DTNB: variants seen among roughly 807,000 people sequenced by gnomAD.
DTNB encodes the protein DTN-B.
A neutral mutation model predicts 90.7 loss-of-function variants in DTNB; 63 were observed. The observed-to-expected ratio is 0.69, with a 90% CI of 0.57 to 0.86. The LOEUF is 0.86. Ranked by LOEUF, DTNB falls within the 40% of genes least tolerant of loss-of-function variation. The pLI, the probability that DTNB is intolerant of heterozygous loss-of-function variation, is 0.00. For synonymous variants in DTNB, 277 were observed against 286.7 expected (o/e 0.97, Z 0.34); for missense variants, 744 against 807.1 (o/e 0.92, Z 0.95).
At chr2:25,578,969 T>C (rs2148173363) in intron 7 of DTNB, among the ~76,000 whole-genome samples, 1 of 152,282 alleles carries the variant, frequency 6.6e-6, no homozygotes, top group African/African-American at 2.4e-5. Context: ...ATATTTTATT[T>C]CTAGATATTT....
intron 10 of DTNB, among the ~76,000 whole-genome samples, chr2:25,478,922 C>T (rs941296545): frequency 1.3e-5 from 2 of 152,078 alleles, no homozygotes; most frequent in Non-Finnish European, 2.9e-5. Flanking sequence ...TGGCGGGGAG[C>T]GAAGATGGCA....
intron 12 of DTNB, among the ~76,000 whole-genome samples, chr2:25,445,625 T>A (rs1422677642): frequency 6.6e-6 from 1 of 152,344 alleles, no homozygotes; most frequent in Non-Finnish European, 1.5e-5. Flanking sequence ...AGCATTGTTC[T>A]CTGCATTCTA....
chr2:25,510,513 CTT>C (rs913768253), intron 9 of DTNB, among the ~76,000 whole-genome samples: 2 of 143,886 alleles, frequency 1.4e-5, no homozygotes, highest in African/African-American at 2.5e-5. Context: ...CTTTCTTCTT[CTT>C]TTTTTTTTTT....
At chr2:25,644,400 T>C (rs1438364295) in intron 2 of DTNB, among the ~76,000 whole-genome samples, 1 of 152,202 alleles carries the variant, frequency 6.6e-6, no homozygotes, top group African/African-American at 2.4e-5. Flanking sequence ...GATATAGAGC[T>C]AGAAGATGTA....
At chr2:25,407,780 T>G (rs142098058) in intron 16 of DTNB, among the ~76,000 whole-genome samples, 1 of 151,508 alleles carries the variant, frequency 6.6e-6, no homozygotes, top group Non-Finnish European at 1.5e-5. Context: ...AAGGGAGAGG[T>G]TGGGAGGGGC....
intron 9 of DTNB, among the ~76,000 whole-genome samples, chr2:25,499,950 C>T (rs1471094317): frequency 5.3e-5 from 8 of 152,096 alleles, no homozygotes; most frequent in Non-Finnish European, 1.2e-4. Context: ...GGCTGGAGTA[C>T]GCTGGCATGA....
chr2:25,636,535 G>C (rs562940962), intron 3 of DTNB, among the ~76,000 whole-genome samples: 4 of 152,004 alleles, frequency 2.6e-5, no homozygotes, highest in African/African-American at 9.7e-5. Flanking sequence ...AGTGGTTTTC[G>C]AACTTTTTGA....
chr2:25,471,944 T>A (rs1040602318), intron 10 of DTNB, among the ~76,000 whole-genome samples: 2 of 152,240 alleles, frequency 1.3e-5, no homozygotes, highest in Admixed American at 1.3e-4. Context: ...ACACATAATA[T>A]GTATAAAATA....
intron 3 of DTNB, among the ~76,000 whole-genome samples, chr2:25,632,068 A>G (rs35456752): frequency 0.45 from 68,004 of 151,288 alleles, 16,442 homozygotes; most frequent in East Asian, 0.77. Flanking sequence ...GGTGGCTCAT[A>G]CCTCTAATCA....
intron 10 of DTNB, among the ~76,000 whole-genome samples, chr2:25,463,608 A>C (rs1386884198): frequency 6.6e-6 from 1 of 152,270 alleles, no homozygotes; most frequent in Non-Finnish European, 1.5e-5. Context: ...TGTGTGAGTT[A>C]TATCTCAATA....
intron 16 of DTNB, among the ~76,000 whole-genome samples, chr2:25,415,792 C>T (rs1416485601): frequency 6.6e-6 from 1 of 152,006 alleles, no homozygotes; most frequent in East Asian, 1.9e-4. Flanking sequence ...TGGTATATAC[C>T]CCAACTCCAT....
intron 9 of DTNB, among the ~76,000 whole-genome samples, chr2:25,496,801 C>A (rs909982489): frequency 2.0e-5 from 3 of 151,398 alleles, no homozygotes; most frequent in Admixed American, 6.6e-5. Context: ...TGAGATTGCA[C>A]CACTGCACTC....
intron 16 of DTNB, among the ~76,000 whole-genome samples, chr2:25,403,312 C>T (rs747621674): frequency 1.3e-5 from 2 of 152,148 alleles, no homozygotes; most frequent in Admixed American, 6.5e-5. Flanking sequence ...GATGGGGTTC[C>T]GCCATGTTGG....
chr2:25,473,476 G>C lies in DTNB; in HGVS notation c.1079+9320C>G, dbSNP rs139259634. Among the ~76,000 whole-genome samples, 61 of 152,310 alleles carry C rather than the reference G, an allele frequency of 4.0e-4. No homozygotes were observed. The East Asian group carries it at 4.2e-3, about 11-fold the overall frequency. ...GTGTGTAAAAATGTGTTTTTTAAAA[G>C]CATGTGTGTGTTCATGTGTGTATCA... On this transcript the variant is annotated intron_variant, in intron 10 of 20. Coordinates refer to ENST00000406818, the MANE Select transcript of DTNB (RefSeq NM_021907.5).
intron 8 of DTNB, among the ~76,000 whole-genome samples, chr2:25,576,027 G>C (rs1301939915): frequency 6.6e-6 from 1 of 152,062 alleles, no homozygotes; most frequent in Non-Finnish European, 1.5e-5. Context: ...ACACCAATGT[G>C]GCAATGGTTG....
intron 9 of DTNB, among the ~76,000 whole-genome samples, chr2:25,526,923 CA>C (rs2077295483): frequency 6.6e-6 from 1 of 151,790 alleles, no homozygotes; most frequent in South Asian, 2.1e-4. Context: ...ATGTCTTAAC[CA>C]ATTTTAAAAA....
At chr2:25,534,937 G>A (rs563230954) in intron 8 of DTNB, among the ~76,000 whole-genome samples, 2 of 141,460 alleles carry the variant, frequency 1.4e-5, no homozygotes, top group East Asian at 4.4e-4. Flanking sequence ...TGAAGAGCGG[G>A]TGGGCAGAGG....
In DTNB at chr2:25,589,367, C is replaced by CTTTTTTTTTTTTTTTTTTTT. The variant is rs1169808182; in HGVS notation, c.603+6699_603+6718dup. On this transcript the variant is annotated intron_variant, in intron 6 of 20. Coordinates refer to ENST00000406818, the MANE Select transcript of DTNB (RefSeq NM_021907.5). Reference sequence around the variant, plus strand: ...GCTTATTCAGGTTTCTTTTTCTTTTCTTTTTTTTTTTTTTTTTTTTTTTTT... The same window carrying CTTTTTTTTTTTTTTTTTTTT: ...GCTTATTCAGGTTTCTTTTTCTTTTCTTTTTTTTTTTTTTTTTTTTTTTTTTTTTTTTTTTTTTTTTTTTT... Among the ~76,000 whole-genome samples, 13 of 57,544 alleles carry CTTTTTTTTTTTTTTTTTTTT rather than the reference C, an allele frequency of 2.3e-4. 2 individuals are homozygous for CTTTTTTTTTTTTTTTTTTTT. Among genetic ancestry groups the CTTTTTTTTTTTTTTTTTTTT allele is most frequent in the East Asian group, 6.1e-4 (1 of 1,632 alleles). 37.8% of individuals were successfully genotyped at this position (57,544 alleles called of 152,430 possible).
chr2:25,631,755 G>A (rs2075806711), intron 3 of DTNB, among the ~76,000 whole-genome samples: 1 of 152,096 alleles, frequency 6.6e-6, no homozygotes, highest in Non-Finnish European at 1.5e-5. Context: ...AAGTGATAGT[G>A]CAAATACACA....
Sources: gnomAD v4.1 joint callset for allele counts (sites outside exome capture counted in the v4.1 genomes callset) on GRCh38, gnomAD v4.1.1 for gene constraint, MANE v1.5 for transcripts, NCBI Gene and HGNC (gene_info 2026-07-23, HGNC 2026-07-21) for gene names.